JPH1: variants seen among roughly 807,000 people sequenced by gnomAD.
JPH1 encodes the protein junctophilin-1.
Under a neutral mutation model 53.6 loss-of-function variants are expected in JPH1, and 12 were observed. That is an observed-to-expected ratio of 0.22 (90% CI 0.14 to 0.36). JPH1 has a LOEUF of 0.36. JPH1 is among the 10% of genes least tolerant of loss of function. JPH1 has a pLI of 1.00. For missense variants in JPH1, 808 were observed against 905.5 expected, an observed-to-expected ratio of 0.89 and a Z score of 1.38; for synonymous variants, 375 against 363.8, an observed-to-expected ratio of 1.03 and a Z score of -0.35.
chr8:74,256,060 A>G (rs148780221), intron 3 of JPH1, among the ~76,000 whole-genome samples: 1,576 of 152,358 alleles, frequency 0.01, 25 homozygotes, highest in African/African-American at 0.036. Flanking sequence ...GCAAAGGATT[A>G]TAAATCATGC....
intron 2 of JPH1, among the ~76,000 whole-genome samples, chr8:74,305,989 G>A (rs1199408394): frequency 6.6e-6 from 1 of 151,942 alleles, no homozygotes; most frequent in Non-Finnish European, 1.5e-5. Context: ...TGGGAGGGCT[G>A]GAGAAAGAGT....
chr8:74,316,776 T>TA (rs1808172304), intron 1 of JPH1, among the ~76,000 whole-genome samples: 2 of 152,316 alleles, frequency 1.3e-5, no homozygotes, highest in East Asian at 1.9e-4. Flanking sequence ...GCAAAGACAT[T>TA]AAAAAATAAC....
At chr8:74,273,925 T>C (rs551632883) in intron 2 of JPH1, among the ~76,000 whole-genome samples, 2 of 152,238 alleles carry the variant, frequency 1.3e-5, no homozygotes, top group East Asian at 3.9e-4. Flanking sequence ...ACAACCTCTC[T>C]CAAAAGCCCA....
intron 4 of JPH1, among the ~76,000 whole-genome samples, chr8:74,238,310 T>G (rs7839862): frequency 0.78 from 118,399 of 152,002 alleles, 46,271 homozygotes; most frequent in African/African-American, 0.83. Context: ...AAGTGAATAA[T>G]GGAGATTGGA....
intron 2 of JPH1, among the ~76,000 whole-genome samples, chr8:74,266,606 G>GCAA (rs1343944858): frequency 6.6e-6 from 1 of 152,158 alleles, no homozygotes; most frequent in African/African-American, 2.4e-5. Context: ...AAAATGTTCT[G>GCAA]AAGATTGGTT....
rs73343364 is a variant in JPH1, at chr8:74,310,615, T to C, written c.1139+4246A>G. Among the ~76,000 whole-genome samples, 1,396 of 152,300 alleles carry C rather than the reference T, an allele frequency of 9.2e-3. 26 individuals are homozygous for C. Among genetic ancestry groups the C allele is most frequent in the African/African-American group, 0.031 (1,282 of 41,576 alleles). ...AATAAGCCTTCTGAAACAAGCCTCC[T>C]GTATGTGTTTACTGGGGAGCAACAC... On this transcript the variant is annotated intron_variant, in intron 2 of 5. Transcript: ENST00000342232.
chr8:74,306,106 G>A (rs1021152243), intron 2 of JPH1, among the ~76,000 whole-genome samples: 1 of 152,170 alleles, frequency 6.6e-6, no homozygotes, highest in Non-Finnish European at 1.5e-5. Context: ...CATGTTATGC[G>A]TAATGACCCG....
chr8:74,287,241 G>A (rs1807192680), intron 2 of JPH1, among the ~76,000 whole-genome samples: 1 of 152,068 alleles, frequency 6.6e-6, no homozygotes, highest in South Asian at 2.1e-4. Flanking sequence ...AGACCAGCCT[G>A]GCCAACATGG....
chr8:74,296,365 T>A (rs1218056647), intron 2 of JPH1, among the ~76,000 whole-genome samples: 1 of 152,184 alleles, frequency 6.6e-6, no homozygotes, highest in East Asian at 1.9e-4. Flanking sequence ...AAACCCAAAG[T>A]TAGTTCTCAT....
At position 74,255,813 on chromosome 8, in the gene JPH1, A is replaced by G. The variant is rs948919970; in HGVS notation, c.1258+3572T>C. Among the ~76,000 whole-genome samples, 1,422 of 152,348 alleles carry G rather than the reference A, an allele frequency of 9.3e-3. 28 individuals carry two copies. The highest frequency in any genetic ancestry group is 0.032 in the African/African-American group (1,349 of 41,566). On this transcript the variant is annotated intron_variant, in intron 3 of 5. Transcript: ENST00000342232. ...AAAATGCTCATCATCACTGGCCATC[A>G]GAGAAATGCAAATCAAAACCACAAT...
chr8:74,317,702 G>C (rs760831766), intron 1 of JPH1, among the ~76,000 whole-genome samples: 2 of 152,172 alleles, frequency 1.3e-5, no homozygotes, highest in Non-Finnish European at 2.9e-5. Context: ...AATTTTGCTA[G>C]AACAATTTGC....
At chr8:74,241,141 G>C (rs745939768) in intron 4 of JPH1, among the ~76,000 whole-genome samples, 3 of 151,958 alleles carry the variant, frequency 2.0e-5, no homozygotes, top group South Asian at 4.2e-4. Context: ...ATCCTACCAG[G>C]GTGGCTCCAC....
chr8:74,309,953 TG>T (rs1015548059), intron 2 of JPH1, among the ~76,000 whole-genome samples: 4 of 152,170 alleles, frequency 2.6e-5, no homozygotes, highest in African/African-American at 9.7e-5. Context: ...TTCAGCATAT[TG>T]GGGGATCCAA....
At chr8:74,239,993 G>A (rs549354498) in intron 4 of JPH1, among the ~76,000 whole-genome samples, 2 of 151,866 alleles carry the variant, frequency 1.3e-5, no homozygotes, top group African/African-American at 4.8e-5. Flanking sequence ...ATTTTTTGAG[G>A]TGGAGTCTTG....
chr8:74,287,437 C>T (rs907705701), intron 2 of JPH1, among the ~76,000 whole-genome samples: 40 of 151,440 alleles, frequency 2.6e-4, no homozygotes, highest in Non-Finnish European at 1.0e-4. Flanking sequence ...AAAAAAATTA[C>T]TGTGAGTTAA....
chr8:74,310,722 CTG>C (rs930860863), intron 2 of JPH1, among the ~76,000 whole-genome samples: 5 of 152,186 alleles, frequency 3.3e-5, no homozygotes, highest in African/African-American at 1.2e-4. Context: ...ACAGTTTGTT[CTG>C]TGTCTCCTGG....
chr8:74,247,402 T>C (rs1218298537), intron 3 of JPH1, among the ~76,000 whole-genome samples: 1 of 152,216 alleles, frequency 6.6e-6, no homozygotes, highest in Non-Finnish European at 1.5e-5. Flanking sequence ...AACGGACTTT[T>C]AATTTAAGCC....
chr8:74,311,474 C>T (rs548243902), intron 2 of JPH1, among the ~76,000 whole-genome samples: 1 of 152,190 alleles, frequency 6.6e-6, no homozygotes, highest in East Asian at 1.9e-4. Context: ...TCCCAGGCAG[C>T]AAATCTTAAA....
rs745650107 is a variant in JPH1, at chr8:74,244,882, C to G, written c.1552G>C (p.Ala518Pro). 6.2e-7 allele frequency: 1 copy of G among 1,614,072 alleles called. No individual in the cohort carries two copies. Among genetic ancestry groups the G allele is most frequent in the African/African-American group, 1.3e-5 (1 of 74,900 alleles). ...ACCGCTCCTGCCTCCTTCGTGGGAG[C>G]CTTTGACATCAAGGGCTTATTGACA... ...AIVNKPLMSK[A>P]PTKEAGAVVP... The change falls in exon 4 of 6, where the codon GCT (alanine) becomes CCT (proline). Residue 518 changes from alanine (A) to proline (P), a missense_variant. Ala to Pro is a conservative substitution (Grantham distance 27). Coordinates refer to ENST00000342232, the MANE Select transcript of JPH1 (RefSeq NM_020647.4).
Sources: allele counts gnomAD v4.1 joint callset (sites outside exome capture counted in the v4.1 genomes callset), GRCh38; gene constraint gnomAD v4.1.1; transcripts MANE v1.5; gene names NCBI Gene and HGNC (gene_info 2026-07-23, HGNC 2026-07-21).